Variants in SCFD2 observed in about 807,000 individuals in gnomAD.
SCFD2 encodes sec1 family domain containing 2.
SCFD2 carries 54 observed loss-of-function variants against 58.9 expected under a neutral mutation model. The ratio of observed to expected loss-of-function variants is 0.92; its 90% CI spans 0.74 to 1.15. The LOEUF is 1.15. Among genes scored for constraint, SCFD2 ranks in the 50% most tolerant of loss-of-function variants. SCFD2 has a pLI of 0.00. For missense variants in SCFD2, 805 were observed against 836.6 expected, an observed-to-expected ratio of 0.96 and a Z score of 0.47; for synonymous variants, 321 against 335.9, an observed-to-expected ratio of 0.96 and a Z score of 0.49.
intron 4 of SCFD2, among the ~76,000 whole-genome samples, chr4:53,249,720 A>G (rs1183553284): frequency 6.6e-6 from 1 of 152,222 alleles, no homozygotes; most frequent in Non-Finnish European, 1.5e-5. Flanking sequence ...TCATAAGAGA[A>G]GGAGAAATAA....
intron 5 of SCFD2, among the ~76,000 whole-genome samples, chr4:53,131,890 G>C (rs555547872): frequency 1.3e-5 from 2 of 152,310 alleles, no homozygotes; most frequent in South Asian, 4.1e-4. Context: ...ACAAGAGTCA[G>C]TAATAGCTAA....
intron 5 of SCFD2, among the ~76,000 whole-genome samples, chr4:53,142,912 T>G (rs1205946615): frequency 6.6e-6 from 1 of 152,018 alleles, no homozygotes; most frequent in African/African-American, 2.4e-5. Flanking sequence ...TTCTTTACCC[T>G]GTTTAAAGTG....
intron 4 of SCFD2, among the ~76,000 whole-genome samples, chr4:53,273,298 G>T (rs1731229870): frequency 6.6e-6 from 1 of 151,964 alleles, no homozygotes; most frequent in Non-Finnish European, 1.5e-5. Flanking sequence ...TTTTTTAAAA[G>T]TTTCCCATGA....
At chr4:53,126,094 C>T (rs1278543113) in intron 5 of SCFD2, among the ~76,000 whole-genome samples, 3 of 152,232 alleles carry the variant, frequency 2.0e-5, no homozygotes, top group South Asian at 2.1e-4. Flanking sequence ...TATGAAGTTT[C>T]GCTAAAACTA....
chr4:53,098,501 G>A (rs2053650), intron 5 of SCFD2, among the ~76,000 whole-genome samples: 25,251 of 152,070 alleles, frequency 0.17, 2,536 homozygotes, highest in Middle Eastern at 0.26. Flanking sequence ...GTTTATTTGC[G>A]CAGAGGTGTT....
intron 5 of SCFD2, among the ~76,000 whole-genome samples, chr4:52,980,764 G>A (rs1372632874): frequency 1.3e-5 from 2 of 152,116 alleles, no homozygotes; most frequent in East Asian, 3.9e-4. Context: ...ATTTACTCAT[G>A]ACACTTTGTC....
At chr4:52,958,773 C>T (rs759240025) in intron 5 of SCFD2, among the ~76,000 whole-genome samples, 1 of 152,216 alleles carries the variant, frequency 6.6e-6, no homozygotes, top group Non-Finnish European at 1.5e-5. Flanking sequence ...GATGCCTTGC[C>T]ATTCCATCTC....
chr4:52,968,915 C>A (rs554625400), intron 5 of SCFD2, among the ~76,000 whole-genome samples: 2 of 152,260 alleles, frequency 1.3e-5, no homozygotes, highest in South Asian at 4.1e-4. Context: ...CTCTGCTAGG[C>A]CCATATGTTC....
At chr4:53,179,848 A>C (rs981290908) in intron 4 of SCFD2, among the ~76,000 whole-genome samples, 1 of 152,182 alleles carries the variant, frequency 6.6e-6, no homozygotes, top group African/African-American at 2.4e-5. Flanking sequence ...AGGGGTTGCA[A>C]TCCTAGTCTC....
chr4:53,045,101 G>C (rs1026517295), intron 5 of SCFD2, among the ~76,000 whole-genome samples: 1 of 152,134 alleles, frequency 6.6e-6, no homozygotes, highest in Non-Finnish European at 1.5e-5. Context: ...ATGACAAAGT[G>C]TGATCCCCAA....
intron 5 of SCFD2, among the ~76,000 whole-genome samples, chr4:52,962,368 A>G (rs1331253501): frequency 1.3e-5 from 2 of 152,206 alleles, no homozygotes; most frequent in African/African-American, 2.4e-5. Flanking sequence ...CAACCTGAAC[A>G]CATTTTACTC....
intron 5 of SCFD2, among the ~76,000 whole-genome samples, chr4:53,108,158 A>G (rs1339042410): frequency 6.6e-6 from 1 of 152,166 alleles, no homozygotes; most frequent in Non-Finnish European, 1.5e-5. Flanking sequence ...GAAATAAATA[A>G]GTTCTTTGAA....
rs1465593927 is a variant in SCFD2 at position 52,874,037 on chromosome 4, G to T, written c.1987C>A (p.Leu663Met). Reference protein sequence around the residue: ...TQVIVLSTRLLKPLNIPELLF... With the variant: ...TQVIVLSTRLMKPLNIPELLF... ...AGCTCAGGAATGTTAAGTGGCTTCA[G>T]GAGTCGTGTGGACAGCACGATTACC... Residue 663 changes from leucine to methionine, a missense_variant, in exon 9 of 9, where the codon CTG (leucine) becomes ATG (methionine). By Grantham distance (15) the Leu-to-Met change is conservative (BLOSUM62 2). This residue lies in a region of SCFD2 where 633 missense variants were observed against 646.8 expected (regional missense o/e 0.98). Transcript: ENST00000401642. 10 of 1,613,928 alleles carry T rather than the reference G, an allele frequency of 6.2e-6. No individual in the cohort carries two copies. Among genetic ancestry groups the T allele is most frequent in the Non-Finnish European group, 8.5e-6 (10 of 1,179,902 alleles).
At chr4:53,015,619 C>T (rs908895226) in intron 5 of SCFD2, among the ~76,000 whole-genome samples, 3 of 152,124 alleles carry the variant, frequency 2.0e-5, no homozygotes, top group South Asian at 2.1e-4. Context: ...CTTGAGTGTA[C>T]CCAACCCCAG....
At chr4:53,097,653 G>T (rs570580178) in intron 5 of SCFD2, among the ~76,000 whole-genome samples, 2 of 152,226 alleles carry the variant, frequency 1.3e-5, no homozygotes, top group Non-Finnish European at 1.5e-5. Context: ...CAATCATGTT[G>T]TCTGCAAAGA....
intron 5 of SCFD2, among the ~76,000 whole-genome samples, chr4:53,134,187 G>A (rs966504155): frequency 6.6e-6 from 1 of 152,128 alleles, no homozygotes; most frequent in African/African-American, 2.4e-5. Flanking sequence ...AGGGGAACTG[G>A]GGAGTTGCTT....
intron 5 of SCFD2, among the ~76,000 whole-genome samples, chr4:53,030,585 A>T (rs1722592332): frequency 6.6e-6 from 1 of 152,056 alleles, no homozygotes; most frequent in South Asian, 2.1e-4. Flanking sequence ...ACCATGCCCA[A>T]CTAATTTTGC....
chr4:53,198,600 T>C (rs1728129645), intron 4 of SCFD2, among the ~76,000 whole-genome samples: 1 of 152,068 alleles, frequency 6.6e-6, no homozygotes, highest in South Asian at 2.1e-4. Context: ...TTATACTCTC[T>C]CTACTTGTCC....
intron 4 of SCFD2, among the ~76,000 whole-genome samples, chr4:53,211,672 T>G (rs1728617487): frequency 6.6e-6 from 1 of 152,110 alleles, no homozygotes; most frequent in African/African-American, 2.4e-5. Flanking sequence ...TCCGCTGCTT[T>G]GTGTGTGGGG....
Sources: gnomAD v4.1 joint callset for allele counts (sites outside exome capture counted in the v4.1 genomes callset) on GRCh38, gnomAD v4.1.1 for gene constraint, gnomAD v4.1.1 regional missense constraint, MANE v1.5 for transcripts, NCBI Gene and HGNC (gene_info 2026-07-23, HGNC 2026-07-21) for gene names.